MPP7: variants seen among roughly 807,000 people sequenced by gnomAD.
The protein encoded by MPP7 is MAGUK p55 subfamily member 7.
MPP7 carries 60 observed loss-of-function variants against 76.5 expected under a neutral mutation model. The observed-to-expected ratio is 0.78, with a 90% CI of 0.64 to 0.97. MPP7 has a LOEUF of 0.97. MPP7 is among the 50% of genes least tolerant of loss of function. The probability of loss-of-function intolerance (pLI) is 0.00; values close to 1 mark genes in which losing one functional copy is unlikely to be tolerated. For synonymous variants in MPP7, 237 were observed against 244.5 expected (o/e 0.97, Z 0.29); for missense variants, 641 against 694.0 (o/e 0.92, Z 0.86).
At chr10:28,092,938 C>A (rs1853389651) in intron 11 of MPP7, among the ~76,000 whole-genome samples, 1 of 151,978 alleles carries the variant, frequency 6.6e-6, no homozygotes, top group African/African-American at 2.4e-5. Context: ...TTTACAACTA[C>A]CCCTTGTGCT....
chr10:28,310,987 A>T (rs1005445456), intron 2 of MPP7, among the ~76,000 whole-genome samples: 12 of 146,640 alleles, frequency 8.2e-5, no homozygotes, highest in Non-Finnish European at 3.0e-5. Flanking sequence ...TATAAATAAA[A>T]CTGTCCCCAC....
At chr10:28,302,503 G>A (rs573951285) in intron 1 of MPP7, among the ~76,000 whole-genome samples, 2 of 152,238 alleles carry the variant, frequency 1.3e-5, no homozygotes, top group African/African-American at 4.8e-5. Flanking sequence ...TCTTTTCCCC[G>A]GGGAGCCGGA....
intron 3 of MPP7, among the ~76,000 whole-genome samples, chr10:28,174,173 G>A (rs1588884324): frequency 1.3e-5 from 2 of 152,130 alleles, no homozygotes; most frequent in Admixed American, 6.5e-5. Context: ...GAACAGCAAC[G>A]ACTGTCATAC....
chr10:28,107,826 C>T (rs1834372016), intron 11 of MPP7, among the ~76,000 whole-genome samples: 2 of 152,114 alleles, frequency 1.3e-5, no homozygotes, highest in Admixed American at 1.3e-4. Flanking sequence ...ACCACAGTAT[C>T]ATGAGAATAA....
chr10:28,152,766 A>G (rs1049986734), intron 3 of MPP7, among the ~76,000 whole-genome samples: 2 of 152,094 alleles, frequency 1.3e-5, no homozygotes, highest in Non-Finnish European at 2.9e-5. Flanking sequence ...AGAAAAATTT[A>G]CTCTGATACA....
At position 28,089,859 on chromosome 10, in the gene MPP7, A is replaced by T; in HGVS notation, c.953-18T>A. 1 of 1,324,032 alleles carries T rather than the reference A, an allele frequency of 7.6e-7. No homozygotes were observed. Among genetic ancestry groups the T allele is most frequent in the Non-Finnish European group, 1.0e-6 (1 of 956,600 alleles). The allele number at this position is 1,324,032 out of a possible 1,614,324, so 82.0% of individuals were successfully genotyped here. On this transcript the variant is annotated intron_variant, in intron 11 of 16. Transcript: ENST00000683449. ...AAAACCAGCTGCAAATATTAAAATA[A>T]ATATATTTTTAGTAACATCAACCAA...
At chr10:28,084,559 C>T (rs878954478) in intron 12 of MPP7, among the ~76,000 whole-genome samples, 1 of 152,278 alleles carries the variant, frequency 6.6e-6, no homozygotes, top group Non-Finnish European at 1.5e-5. Flanking sequence ...TTAAATCTGA[C>T]AAGCCCTGGA....
chr10:28,148,490 T>A lies in MPP7; in HGVS notation c.235-927A>T, dbSNP rs998896864. 2.6e-5 allele frequency among the ~76,000 whole-genome samples: 4 copies of A among 152,260 alleles called. No individual in the cohort carries two copies. The South Asian group carries it at 8.3e-4, about 32-fold the overall frequency. On this transcript the variant is annotated intron_variant, in intron 4 of 16. Transcript: ENST00000683449. ...TTTGCCCCTACTTTTTCTAACAAGC[T>A]AAAAATAATTGCTCTTATCTCTGGA...
intron 13 of MPP7, among the ~76,000 whole-genome samples, chr10:28,062,932 A>G (rs916151095): frequency 1.1e-4 from 17 of 152,232 alleles, no homozygotes; most frequent in African/African-American, 3.9e-4. Flanking sequence ...ACCTTGAGAT[A>G]GCAAGGAACT....
intron 1 of MPP7, among the ~76,000 whole-genome samples, chr10:28,298,158 G>T (rs1841075926): frequency 6.6e-6 from 1 of 152,162 alleles, no homozygotes; most frequent in South Asian, 2.1e-4. Flanking sequence ...GTGACATTTT[G>T]ACCTCCTCCT....
chr10:28,146,956 G>A (rs1041651692), intron 5 of MPP7, among the ~76,000 whole-genome samples: 1 of 152,160 alleles, frequency 6.6e-6, no homozygotes, highest in African/African-American at 2.4e-5. Flanking sequence ...AATGGAAAGG[G>A]AGAATTGAAA....
chr10:28,108,681 AATAAT>A (rs943005202), intron 11 of MPP7, among the ~76,000 whole-genome samples: 3 of 137,466 alleles, frequency 2.2e-5, no homozygotes, highest in African/African-American at 9.4e-5. Flanking sequence ...AATAAAATAA[AATAAT>A]ATAAAATAAT....
intron 15 of MPP7, 128 bp from the exon 16 acceptor site, chr10:28,056,751 T>C (rs1364246264): frequency 1.4e-6 from 1 of 694,936 alleles, no homozygotes; most frequent in Non-Finnish European, 2.2e-6. Context: ...ATATTATTAT[T>C]CAATTAACTG....
At chr10:28,134,783 C>T (rs908990648) in intron 5 of MPP7, among the ~76,000 whole-genome samples, 1 of 151,500 alleles carries the variant, frequency 6.6e-6, no homozygotes, top group African/African-American at 2.4e-5. Flanking sequence ...CCTAAAAGTA[C>T]TCAGAGCAAA....
chr10:28,089,816 AAG>A lies in MPP7; in HGVS notation c.976_977del (p.Leu326Ter). The A allele has an allele frequency of 6.4e-7, 1 of 1,572,284 alleles. No homozygotes were observed. Among genetic ancestry groups the A allele is most frequent in the Non-Finnish European group, 8.7e-7 (1 of 1,146,404 alleles). On this transcript the variant is annotated frameshift_variant, in exon 12 of 17. Coordinates refer to ENST00000683449, the MANE Select transcript of MPP7 (RefSeq NM_001318170.2). LOFTEE classifies it high-confidence loss of function. ...KSSGFRKSFR[L>X]SRKDKKTNKS... ...TATTTGTTTTCTTATCTTTTCTACT[AAG>A]ACGAAAACTTTTTCTAAAACCAGCT... is the stretch of plus-strand genomic sequence containing the variant.
chr10:28,184,557 A>G (rs1331030254), intron 3 of MPP7, among the ~76,000 whole-genome samples: 2 of 149,140 alleles, frequency 1.3e-5, no homozygotes, highest in East Asian at 3.9e-4. Flanking sequence ...AAAAATACAG[A>G]AATTATCTGG....
chr10:28,083,530 C>CT, intron 12 of MPP7, among the ~76,000 whole-genome samples: 7 of 134,996 alleles, frequency 5.2e-5, no homozygotes, highest in African/African-American at 1.9e-4. Context: ...GATTTTCTTC[C>CT]TCTTTTTTTT....
At chr10:28,306,753 G>A (rs11007002), upstream of MPP7, among the ~76,000 whole-genome samples, 10,321 of 151,956 alleles carry the variant, frequency 0.068, 446 homozygotes, top group Non-Finnish European at 0.097. Context: ...ATAATAGATC[G>A]TTGATTGATA....
intron 2 of MPP7, among the ~76,000 whole-genome samples, chr10:28,209,258 A>G (rs1303658076): frequency 1.3e-5 from 2 of 152,134 alleles, no homozygotes; most frequent in Non-Finnish European, 2.9e-5. Flanking sequence ...TGAGGCCAGG[A>G]GCCTGGGACA....
Sources: gnomAD v4.1 joint callset for allele counts (sites outside exome capture counted in the v4.1 genomes callset) on GRCh38, gnomAD v4.1.1 for gene constraint, MANE v1.5 for transcripts, NCBI Gene and HGNC (gene_info 2026-07-23, HGNC 2026-07-21) for gene names.